The following TENM4 variants were observed in gnomAD, a reference collection of about 807,000 sequenced individuals.
The protein encoded by TENM4 is teneurin-4.
Under a neutral mutation model 243.3 loss-of-function variants are expected in TENM4, and 82 were observed. That is an observed-to-expected ratio of 0.34 (90% CI 0.28 to 0.40). TENM4 has a LOEUF of 0.40. Among genes scored for constraint, TENM4 ranks in the 10% least tolerant of loss-of-function variants. The probability of loss-of-function intolerance (pLI) is 1.00; values close to 1 mark genes in which losing one functional copy is unlikely to be tolerated. For synonymous variants in TENM4, 1,412 were observed against 1,456.3 expected (o/e 0.97, Z 0.69); for missense variants, 3,138 against 3,673.3 (o/e 0.85, Z 3.77).
chr11:78,930,048 G>A lies in TENM4; in HGVS notation c.494-26525C>T, dbSNP rs542606665. On this transcript the variant is annotated intron_variant, in intron 6 of 33. Coordinates refer to ENST00000278550, the MANE Select transcript of TENM4 (RefSeq NM_001098816.3). ...TTTACAGAGAGGATGGGCTTCTGCA[G>A]ACTACAGTTTGCTGCTGGGCTTGTG... is the stretch of plus-strand genomic sequence containing the variant. Among the ~76,000 whole-genome samples, 10 of 152,280 alleles carry A rather than the reference G, an allele frequency of 6.6e-5. No homozygotes were observed. The East Asian group carries it at 7.7e-4, about 12-fold the overall frequency.
chr11:79,137,958 T>C (rs562034715), intron 4 of TENM4, among the ~76,000 whole-genome samples: 34 of 152,058 alleles, frequency 2.2e-4, no homozygotes, highest in African/African-American at 7.2e-4. Context: ...CTTGATTGGA[T>C]TGAAGGATAC....
intron 2 of TENM4, among the ~76,000 whole-genome samples, chr11:79,273,150 C>T (rs1373988940): frequency 6.6e-6 from 1 of 152,194 alleles, no homozygotes; most frequent in Non-Finnish European, 1.5e-5. Flanking sequence ...GCCTTAGTTT[C>T]TCCATCTGTA....
At chr11:78,737,278 A>T (rs1855822755) in intron 20 of TENM4, among the ~76,000 whole-genome samples, 1 of 152,224 alleles carries the variant, frequency 6.6e-6, no homozygotes, top group South Asian at 2.1e-4. Flanking sequence ...GAAGGTGTAT[A>T]GGGTAGGGAA....
chr11:78,720,035 G>A (rs150728805), intron 25 of TENM4, among the ~76,000 whole-genome samples: 212 of 152,328 alleles, frequency 1.4e-3, no homozygotes, highest in Admixed American at 4.2e-3. Flanking sequence ...TATCAAAGTC[G>A]TTCAATGCAG....
rs553540148 is a variant in TENM4 at position 78,970,176 on chromosome 11, C to T, written c.494-66653G>A. Among the ~76,000 whole-genome samples the T allele has an allele frequency of 2.2e-4, 34 of 152,210 alleles. No homozygotes were observed. In the South Asian group the frequency reaches 6.2e-3, roughly 28 times the overall value. On this transcript the variant is annotated intron_variant, in intron 6 of 33. Coordinates refer to ENST00000278550, the MANE Select transcript of TENM4 (RefSeq NM_001098816.3). ...TCTAATGCAGTGGTATCATGCCCTGCTTTTTATTCCAGTGAGTTATGTTCT... is the reference window on the plus strand; with the variant it reads ...TCTAATGCAGTGGTATCATGCCCTGTTTTTTATTCCAGTGAGTTATGTTCT...
At chr11:79,289,444 A>C (rs1456278029) in intron 2 of TENM4, among the ~76,000 whole-genome samples, 1 of 152,230 alleles carries the variant, frequency 6.6e-6, no homozygotes, top group Non-Finnish European at 1.5e-5. Flanking sequence ...CCTTCAGCCC[A>C]AGAGAGCTGT....
chr11:79,338,023 C>A (rs1341467026), intron 1 of TENM4, among the ~76,000 whole-genome samples: 1 of 152,238 alleles, frequency 6.6e-6, no homozygotes, highest in African/African-American at 2.4e-5. Flanking sequence ...GGGTCCTGCG[C>A]AAGCACGTAT....
chr11:79,209,108 TCCC>T lies in TENM4; in HGVS notation c.-163+6697_-163+6699del, dbSNP rs1863905776. Among the ~76,000 whole-genome samples the T allele has an allele frequency of 3.9e-5, 6 of 152,344 alleles. No homozygotes were observed. The South Asian group carries it at 1.2e-3, about 32-fold the overall frequency. ...CCACCAAGGATAATGACACTGACCTTCCCATTTGGAAATAAACTAGCATTTGGC... is the reference window on the plus strand; with the variant it reads ...CCACCAAGGATAATGACACTGACCTTATTTGGAAATAAACTAGCATTTGGC... On this transcript the variant is annotated intron_variant, in intron 3 of 33. Transcript: ENST00000278550.
intron 6 of TENM4, among the ~76,000 whole-genome samples, chr11:78,908,964 A>G (rs1565121182): frequency 6.6e-6 from 1 of 152,236 alleles, no homozygotes; most frequent in Non-Finnish European, 1.5e-5. Context: ...TGGCAAAGAT[A>G]CAAGAGCAGA....
intron 1 of TENM4, among the ~76,000 whole-genome samples, chr11:79,357,028 T>A (rs1402751434): frequency 1.3e-5 from 2 of 152,170 alleles, no homozygotes; most frequent in Non-Finnish European, 2.9e-5. Flanking sequence ...GAAAAATCTG[T>A]CCCAGGCCAG....
chr11:78,708,984 T>TTTTTTTTTTTTTTA (rs59432159), intron 26 of TENM4, among the ~76,000 whole-genome samples: 2 of 145,258 alleles, frequency 1.4e-5, no homozygotes, highest in African/African-American at 5.4e-5. Context: ...TTTTTTTTTT[T>TTTTTTTTTTTTTTA]AAAAAAAGAG....
chr11:78,733,911 A>G (rs933817141), intron 20 of TENM4, among the ~76,000 whole-genome samples: 1 of 152,216 alleles, frequency 6.6e-6, no homozygotes, highest in South Asian at 2.1e-4. Context: ...AGACTAGGCC[A>G]GGCATGGTGG....
chr11:79,354,980 A>G (rs1445893117), intron 1 of TENM4, among the ~76,000 whole-genome samples: 2 of 152,216 alleles, frequency 1.3e-5, no homozygotes, highest in Non-Finnish European at 2.9e-5. Flanking sequence ...CTAATCCTTC[A>G]AGATGGATCC....
chr11:79,109,444 G>A (rs1283381226), intron 4 of TENM4, among the ~76,000 whole-genome samples: 4 of 152,010 alleles, frequency 2.6e-5, no homozygotes, highest in Non-Finnish European at 5.9e-5. Context: ...AGGTGCCCAG[G>A]GGACAAGCCA....
At chr11:78,836,048 G>C (rs1313540715) in intron 12 of TENM4, among the ~76,000 whole-genome samples, 1 of 152,232 alleles carries the variant, frequency 6.6e-6, no homozygotes. Context: ...GTGTGATCTT[G>C]GACCAGTGAG....
chr11:79,125,163 A>G (rs1318055987), intron 4 of TENM4, among the ~76,000 whole-genome samples: 1 of 152,094 alleles, frequency 6.6e-6, no homozygotes, highest in Admixed American at 6.6e-5. Flanking sequence ...TGCAAAATAA[A>G]TCCATTTGAC....
At chr11:79,412,044 G>A (rs1858712357) in intron 1 of TENM4, among the ~76,000 whole-genome samples, 1 of 152,210 alleles carries the variant, frequency 6.6e-6, no homozygotes, top group Admixed American at 6.5e-5. Flanking sequence ...GAGCTGCACT[G>A]GCTCAGCCTT....
chr11:79,229,974 A>C (rs1050027198), intron 2 of TENM4, among the ~76,000 whole-genome samples: 1 of 148,806 alleles, frequency 6.7e-6, no homozygotes, highest in Non-Finnish European at 1.5e-5. Context: ...CTACAGCTGC[A>C]TATCACCATG....
At chr11:79,164,244 T>C (rs1347455794) in intron 3 of TENM4, among the ~76,000 whole-genome samples, 1 of 98,132 alleles carries the variant, frequency 1.0e-5, no homozygotes, top group Admixed American at 1.1e-4. Flanking sequence ...ACAGTATATA[T>C]AGTATATATA....
Sources: gnomAD v4.1 joint callset for allele counts (sites outside exome capture counted in the v4.1 genomes callset) on GRCh38, gnomAD v4.1.1 for gene constraint, MANE v1.5 for transcripts, NCBI Gene and HGNC (gene_info 2026-07-23, HGNC 2026-07-21) for gene names.